The following CDC14B variants were observed in gnomAD, a reference collection of about 807,000 sequenced individuals.
CDC14B encodes the protein cell division cycle 14B.
In CDC14B, 22 loss-of-function variants were observed where a neutral mutation model predicts 64.2. The ratio of observed to expected loss-of-function variants is 0.34; its 90% CI spans 0.24 to 0.49. CDC14B has a LOEUF of 0.49. CDC14B is among the 20% of genes least tolerant of loss of function. The probability of loss-of-function intolerance (pLI) is 0.99; values close to 1 mark genes in which losing one functional copy is unlikely to be tolerated. For synonymous variants in CDC14B, 191 were observed against 215.8 expected (o/e 0.89, Z 1.01); for missense variants, 498 against 629.9 (o/e 0.79, Z 2.24).
At position 96,510,432 on chromosome 9, in the gene CDC14B, T is replaced by C. The variant is rs148691839; in HGVS notation, c.1344-643A>G. On this transcript the variant is annotated intron_variant, in intron 12 of 13. Transcript: ENST00000375241. ...AAAAAGCTTGAGAAACTGGTGCATA[T>C]GAGAGTAGGCTGCCCAGGAGGAAGC... 8.5e-5 allele frequency among the ~76,000 whole-genome samples: 13 copies of C among 152,104 alleles called. No individual in the cohort carries two copies. In the East Asian group the frequency reaches 2.5e-3, roughly 29 times the overall value.
chr9:96,561,499 G>T (rs1429250872), intron 4 of CDC14B, among the ~76,000 whole-genome samples: 1 of 151,704 alleles, frequency 6.6e-6, no homozygotes, highest in Non-Finnish European at 1.5e-5. Context: ...TCTTTTTTGA[G>T]ACGGAGTCTC....
chr9:96,549,081 A>G (rs1841410601), intron 5 of CDC14B, among the ~76,000 whole-genome samples: 1 of 152,226 alleles, frequency 6.6e-6, no homozygotes, highest in African/African-American at 2.4e-5. Flanking sequence ...CACTATGTGA[A>G]GAAGCACTAA....
intron 1 of CDC14B, among the ~76,000 whole-genome samples, chr9:96,594,836 C>T (rs1004687869): frequency 2.0e-5 from 3 of 151,236 alleles, no homozygotes; most frequent in Non-Finnish European, 4.4e-5. Context: ...GGGCACTGAA[C>T]GGAGTACTCG....
At chr9:96,601,191 T>G (rs1846425141) in intron 1 of CDC14B, among the ~76,000 whole-genome samples, 1 of 152,152 alleles carries the variant, frequency 6.6e-6, no homozygotes, top group Non-Finnish European at 1.5e-5. Context: ...AAACATGCTC[T>G]GAACAATCTA....
intron 12 of CDC14B, among the ~76,000 whole-genome samples, chr9:96,511,048 G>C (rs1834842107): frequency 6.6e-6 from 1 of 152,084 alleles, no homozygotes. Flanking sequence ...AAACATAAAG[G>C]TGAGAAAGCC....
intron 5 of CDC14B, among the ~76,000 whole-genome samples, chr9:96,542,467 AC>A (rs1189629632): frequency 6.6e-6 from 1 of 152,036 alleles, no homozygotes; most frequent in Non-Finnish European, 1.5e-5. Context: ...AAAGACTTTT[AC>A]CCATTTAACT....
intron 12 of CDC14B, among the ~76,000 whole-genome samples, chr9:96,511,331 G>A (rs973307660): frequency 3.3e-5 from 5 of 152,230 alleles, no homozygotes; most frequent in South Asian, 2.1e-4. Context: ...CTAGCACTTT[G>A]AGAGGCCGAG....
chr9:96,523,879 G>A (rs1476721875), intron 9 of CDC14B, among the ~76,000 whole-genome samples, 154 bp from the exon 10 acceptor site: 1 of 152,176 alleles, frequency 6.6e-6, no homozygotes, highest in Non-Finnish European at 1.5e-5. Flanking sequence ...ACCTAGAGAG[G>A]TTTTTAAATA....
chr9:96,609,513 T>TA (rs1232947732), intron 1 of CDC14B, among the ~76,000 whole-genome samples: 2 of 152,210 alleles, frequency 1.3e-5, no homozygotes, highest in South Asian at 2.1e-4. Flanking sequence ...TTCAAGTAGT[T>TA]ACTCAATAAA....
chr9:96,583,429 C>T (rs1845283279), intron 1 of CDC14B, among the ~76,000 whole-genome samples: 1 of 148,204 alleles, frequency 6.7e-6, no homozygotes, highest in Non-Finnish European at 1.5e-5. Flanking sequence ...CTAAGTCTCA[C>T]TCTGTAGCCC....
chr9:96,596,042 G>A (rs1166588896), intron 1 of CDC14B, among the ~76,000 whole-genome samples: 1 of 152,052 alleles, frequency 6.6e-6, no homozygotes, highest in Non-Finnish European at 1.5e-5. Context: ...CATGATATGT[G>A]AATTAGAGCT....
At chr9:96,528,521 CAAAAAAAAGA>C (rs1363084244) in intron 9 of CDC14B, among the ~76,000 whole-genome samples, 3 of 148,244 alleles carry the variant, frequency 2.0e-5, no homozygotes, top group Non-Finnish European at 3.0e-5. Flanking sequence ...AAGTCCATCT[CAAAAAAAAGA>C]AAAAAAAAGA....
chr9:96,564,722 C>T (rs1352934261), intron 3 of CDC14B, 55 bp downstream of exon 3: 4 of 1,041,036 alleles, frequency 3.8e-6, no homozygotes, highest in South Asian at 3.0e-5. Context: ...TCCTTACTTT[C>T]GTCCCCCAGA....
chr9:96,574,697 C>CACAAAAA (rs1408365024), intron 1 of CDC14B, among the ~76,000 whole-genome samples: 1 of 49,968 alleles, frequency 2.0e-5, no homozygotes, highest in African/African-American at 8.4e-5. Context: ...CTCGGTCTCA[C>CACAAAAA]AAAAAAAAAA....
intron 1 of CDC14B, among the ~76,000 whole-genome samples, chr9:96,587,710 G>C (rs781782111): frequency 1.3e-4 from 20 of 152,154 alleles, no homozygotes; most frequent in Non-Finnish European, 2.6e-4. Context: ...TTTACGAATG[G>C]GAGAGGCGGC....
rs982183994 is a variant in CDC14B, at chr9:96,567,029, G to A, written c.161-1546C>T. On this transcript the variant is annotated intron_variant, in intron 1 of 13. Transcript: ENST00000375241. ...TCCTGGAAAAAGCCCCGCGCGCGAC[G>A]AGGCCGTGGGGACGGACAGCACCCC... The A allele has an allele frequency of 3.0e-5, 40 of 1,325,330 alleles. 1 individual carries two copies. The South Asian group carries it at 5.8e-4, about 19-fold the overall frequency. The allele number at this position is 1,325,330 out of a possible 1,614,324, so 82.1% of individuals were successfully genotyped here.
At chr9:96,541,971 T>G in intron 5 of CDC14B, 79 bp from the exon 6 acceptor site, 1 of 964,680 alleles carries the variant, frequency 1.0e-6, no homozygotes, top group Non-Finnish European at 1.6e-6. Context: ...TGACTAGAAT[T>G]TAAAATCAAA....
chr9:96,607,357 T>C (rs1450846003), intron 1 of CDC14B, among the ~76,000 whole-genome samples: 1 of 151,664 alleles, frequency 6.6e-6, no homozygotes, highest in African/African-American at 2.4e-5. Flanking sequence ...CATTAAATTT[T>C]TTTTTTTTTT....
At chr9:96,561,542 G>A (rs965658471) in intron 4 of CDC14B, among the ~76,000 whole-genome samples, 5 of 152,060 alleles carry the variant, frequency 3.3e-5, no homozygotes, top group African/African-American at 1.2e-4. Flanking sequence ...GCAGTGGCGC[G>A]ATCTCCGCTC....
Sources: allele counts gnomAD v4.1 joint callset (sites outside exome capture counted in the v4.1 genomes callset), GRCh38; gene constraint gnomAD v4.1.1; transcripts MANE v1.5; gene names NCBI Gene and HGNC (gene_info 2026-07-23, HGNC 2026-07-21).